ABHD10: variants seen among roughly 807,000 people sequenced by gnomAD.
ABHD10 encodes the protein abhydrolase domain containing 10, depalmitoylase.
ABHD10 carries 22 observed loss-of-function variants against 33.1 expected under a neutral mutation model. The ratio of observed to expected loss-of-function variants is 0.66; its 90% CI spans 0.47 to 0.95. ABHD10 has a LOEUF of 0.95. ABHD10 is among the 40% of genes least tolerant of loss of function. The pLI is 0.00. For missense variants in ABHD10, 352 were observed against 379.9 expected (o/e 0.93, Z 0.61); for synonymous variants, 146 against 133.9 (o/e 1.09, Z -0.62).
In ABHD10 at chr3:111,979,136, C is replaced by T; in HGVS notation, c.75C>T (p.Phe25=). Residue 25 remains phenylalanine, a synonymous_variant, in exon 1 of 5, where the codon TTC becomes TTT. Coordinates refer to ENST00000273359, the MANE Select transcript of ABHD10 (RefSeq NM_018394.4). ...CRSWGWAAVP[F]GPHRGLSVLL... ...GCTGGGGCTGGGCAGCCGTCCCCTT[C>T]GGTCCCCACCGTGGCCTCAGCGTGC... 2 of 1,613,264 alleles carry T rather than the reference C, an allele frequency of 1.2e-6. No homozygotes were observed. The highest frequency in any genetic ancestry group is 1.1e-5 in the South Asian group (1 of 91,066).
At chr3:111,989,980 T>C (rs2072721149) in intron 4 of ABHD10, among the ~76,000 whole-genome samples, 1 of 152,054 alleles carries the variant, frequency 6.6e-6, no homozygotes, top group African/African-American at 2.4e-5. Flanking sequence ...GTTGAAACTT[T>C]AAATTTTTCA....
Position 111,991,605 on chromosome 3 carries a change from G to A in ABHD10, c.805G>A (p.Val269Met), listed in dbSNP as rs1466712590. 2.0e-5 allele frequency: 33 copies of A among 1,613,984 alleles called. No homozygotes were observed. The highest frequency in any genetic ancestry group is 2.8e-5 in the Non-Finnish European group (33 of 1,179,966). The change falls in exon 5 of 5, where the codon GTG (valine) becomes ATG (methionine). Residue 269 changes from valine (V) to methionine (M), a missense_variant. Coordinates refer to ENST00000273359, the MANE Select transcript of ABHD10 (RefSeq NM_018394.4). ...QVADRVLSTD[V>M]DVILRKHSDH... Reference sequence around the variant, plus strand: ...TGCCGATCGAGTACTCAGCACAGATGTGGATGTCATCCTCCGAAAACACAG... The same window carrying A: ...TGCCGATCGAGTACTCAGCACAGATATGGATGTCATCCTCCGAAAACACAG...
intron 1 of ABHD10, 72 bp downstream of exon 1, chr3:111,979,275 T>A: frequency 6.7e-7 from 1 of 1,488,044 alleles, no homozygotes; most frequent in East Asian, 2.4e-5. Flanking sequence ...ACCGTGCCTG[T>A]GCAGTGCGTC....
intron 2 of ABHD10, among the ~76,000 whole-genome samples, chr3:111,983,832 T>C (rs3804763): frequency 0.21 from 31,490 of 151,710 alleles, 3,370 homozygotes; most frequent in Middle Eastern, 0.28. Context: ...GTAATAGAAT[T>C]TTTATTTGGG....
In ABHD10 at chr3:111,986,982, C is replaced by A; in HGVS notation, c.507C>A (p.Val169=). 1.2e-6 allele frequency: 2 copies of A among 1,613,258 alleles called. No homozygotes were observed. The highest frequency in any genetic ancestry group is 1.1e-5 in the South Asian group (1 of 90,912). The change falls in exon 4 of 5, where the codon GTC becomes GTA. Residue 169 remains valine, a synonymous_variant. Coordinates refer to ENST00000273359, the MANE Select transcript of ABHD10 (RefSeq NM_018394.4). ...CTGCAATTGCACGACCAGAGAAGGTCGTGGCTCTTATTGGTGTAGCTACAG... is the reference window on the plus strand; with the variant it reads ...CTGCAATTGCACGACCAGAGAAGGTAGTGGCTCTTATTGGTGTAGCTACAG... ...LHAAIARPEK[V]VALIGVATAA...
intron 1 of ABHD10, among the ~76,000 whole-genome samples, chr3:111,979,562 C>T (rs1341328937): frequency 6.6e-6 from 1 of 152,224 alleles, no homozygotes; most frequent in Non-Finnish European, 1.5e-5. Context: ...ATTGTGACTC[C>T]TAAAATGCTT....
At position 111,991,764 on chromosome 3, in the gene ABHD10, A is replaced by G; in HGVS notation, c.*43A>G. ...GTATGTAAACTAATGTATCCAGAAG[A>G]TTGGAAGAGGGATAAGAAATGAAAG... On this transcript the variant is annotated 3_prime_UTR_variant, in exon 5 of 5. Coordinates refer to ENST00000273359, the MANE Select transcript of ABHD10 (RefSeq NM_018394.4). 6.9e-7 allele frequency: 1 copy of G among 1,450,380 alleles called. No individual in the cohort carries two copies. Among genetic ancestry groups the G allele is most frequent in the Non-Finnish European group, 9.4e-7 (1 of 1,060,932 alleles). The allele number at this position is 1,450,380 out of a possible 1,614,324, so 89.8% of individuals were successfully genotyped here. A position where few individuals can be genotyped will look rare whatever the true frequency, so the allele number is the denominator to read the frequency against.
At chr3:111,980,113 T>A (rs2072563136) in intron 1 of ABHD10, among the ~76,000 whole-genome samples, 1 of 152,238 alleles carries the variant, frequency 6.6e-6, no homozygotes, top group Non-Finnish European at 1.5e-5. Flanking sequence ...AGATGATTTA[T>A]GAATATAATT....
intron 1 of ABHD10, among the ~76,000 whole-genome samples, chr3:111,980,000 T>G (rs1308078543): frequency 6.6e-6 from 1 of 152,248 alleles, no homozygotes; most frequent in East Asian, 1.9e-4. Flanking sequence ...TAGTAAAATG[T>G]AGTATGTCAA....
At position 111,992,500 on chromosome 3, in the gene ABHD10, A is replaced by G. The variant is rs1448980305; in HGVS notation, c.*779A>G. On this transcript the variant is annotated 3_prime_UTR_variant, in exon 5 of 5. Coordinates refer to ENST00000273359, the MANE Select transcript of ABHD10 (RefSeq NM_018394.4). ...TTTTATTAATATTGCCCTAAGTACAACTAGGCAAGTGATTGCCACCTAAAT... is the reference window on the plus strand; with the variant it reads ...TTTTATTAATATTGCCCTAAGTACAGCTAGGCAAGTGATTGCCACCTAAAT... 3 of 152,116 alleles carry G rather than the reference A, an allele frequency of 2.0e-5. No individual in the cohort carries two copies. The highest frequency in any genetic ancestry group is 7.2e-5 in the African/African-American group (3 of 41,454). The allele number at this position is 152,116 out of a possible 1,614,324, so 9.4% of individuals were successfully genotyped here. A position where few individuals can be genotyped will look rare whatever the true frequency, so the allele number is the denominator to read the frequency against.
chr3:111,988,531 G>A (rs561023409), intron 4 of ABHD10, among the ~76,000 whole-genome samples: 1 of 150,984 alleles, frequency 6.6e-6, no homozygotes, highest in East Asian at 2.0e-4. Context: ...GGGGGTTGGG[G>A]GTTTATTGTA....
intron 1 of ABHD10, among the ~76,000 whole-genome samples, chr3:111,980,542 T>G (rs1385767567): frequency 6.6e-6 from 1 of 152,158 alleles, no homozygotes; most frequent in Non-Finnish European, 1.5e-5. Flanking sequence ...AACTAGTGTC[T>G]TTGGAAAGAA....
Position 111,981,993 on chromosome 3 carries a change from A to G in ABHD10, c.326+26A>G, listed in dbSNP as rs560772701. The G allele has an allele frequency of 6.2e-6, 9 of 1,448,548 alleles. No individual in the cohort carries two copies. In the East Asian group the frequency reaches 2.1e-4, roughly 34 times the overall value. The allele number at this position is 1,448,548 out of a possible 1,614,324, so 89.7% of individuals were successfully genotyped here. A position where few individuals can be genotyped will look rare whatever the true frequency, so the allele number is the denominator to read the frequency against. ...GTAGGAACAACACATTACTGAGAAAATATTGCTACTGTTAGCATTACAGTG... is the reference window on the plus strand; with the variant it reads ...GTAGGAACAACACATTACTGAGAAAGTATTGCTACTGTTAGCATTACAGTG... On this transcript the variant is annotated intron_variant, in intron 2 of 4. Coordinates refer to ENST00000273359, the MANE Select transcript of ABHD10 (RefSeq NM_018394.4).
intron 2 of ABHD10, chr3:111,982,197 G>A (rs1035721873): frequency 5.5e-5 from 19 of 347,998 alleles, no homozygotes; most frequent in Middle Eastern, 7.4e-4. Flanking sequence ...CATCTTAAGG[G>A]AAATATTGGT....
chr3:111,986,186 G>A (rs1483775570), intron 2 of ABHD10, 78 bp from the exon 3 acceptor site: 1 of 745,184 alleles, frequency 1.3e-6, no homozygotes. Flanking sequence ...TAGTAATGAG[G>A]AAGGTGCTAT....
intron 1 of ABHD10, among the ~76,000 whole-genome samples, chr3:111,980,184 T>G (rs2072564359): frequency 6.6e-6 from 1 of 152,242 alleles, no homozygotes; most frequent in East Asian, 1.9e-4. Context: ...GGGGAAATTA[T>G]GTTTTAAGAG....
chr3:111,979,508 G>A (rs1451098582), intron 1 of ABHD10, among the ~76,000 whole-genome samples: 2 of 152,246 alleles, frequency 1.3e-5, no homozygotes, highest in African/African-American at 4.8e-5. Context: ...AAATTAAAAT[G>A]TGCATTTAAT....
At position 111,992,643 on chromosome 3, in the gene ABHD10, G is replaced by GT. The variant is rs2072756315; in HGVS notation, c.*928dup. ...TGAGCCTTGATATTATTTAGTTAAT[G>GT]TTTTTTATTAATTAATTTTGGCTGG... On this transcript the variant is annotated 3_prime_UTR_variant, in exon 5 of 5. Coordinates refer to ENST00000273359, the MANE Select transcript of ABHD10 (RefSeq NM_018394.4). 7.2e-6 allele frequency: 1 copy of GT among 139,132 alleles called. No individual in the cohort carries two copies. Among genetic ancestry groups the GT allele is most frequent in the South Asian group, 2.3e-4 (1 of 4,416 alleles). 8.6% of individuals were successfully genotyped at this position (139,132 alleles called of 1,614,324 possible). A position where few individuals can be genotyped will look rare whatever the true frequency, so the allele number is the denominator to read the frequency against.
At chr3:111,985,491 G>A (rs746024254) in intron 2 of ABHD10, among the ~76,000 whole-genome samples, 6 of 152,264 alleles carry the variant, frequency 3.9e-5, no homozygotes, top group Admixed American at 3.9e-4. Flanking sequence ...CACTAGGAAC[G>A]CATTGAAACA....
Sources: gnomAD v4.1 joint callset for allele counts (sites outside exome capture counted in the v4.1 genomes callset) on GRCh38, gnomAD v4.1.1 for gene constraint, MANE v1.5 for transcripts, NCBI Gene and HGNC (gene_info 2026-07-23, HGNC 2026-07-21) for gene names.